Variants in FBN1 observed in about 807,000 individuals in gnomAD.
FBN1 encodes fibrillin-1.
A neutral mutation model predicts 365.1 loss-of-function variants in FBN1; 29 were observed. The observed-to-expected ratio is 0.08, with a 90% CI of 0.06 to 0.11. The LOEUF is 0.11. Ranked by LOEUF, FBN1 falls within the 10% of genes least tolerant of loss-of-function variation. The pLI is 1.00. For synonymous variants in FBN1, 1,210 were observed against 1,270.5 expected, an observed-to-expected ratio of 0.95 and a Z score of 1.01; for missense variants, 2,476 against 3,703.2, an observed-to-expected ratio of 0.67 and a Z score of 8.60.
At position 48,572,133 on chromosome 15, in the gene FBN1, T is replaced by C. The variant is rs565705072; in HGVS notation, c.538+24150A>G. On this transcript the variant is annotated intron_variant, in intron 6 of 65. Coordinates refer to ENST00000316623, the MANE Select transcript of FBN1 (RefSeq NM_000138.5). Reference sequence around the variant, plus strand: ...CTATGAGTATTTTCTCCAATTTCTCTGCACTTTTCTAAATTAAAAAAAATA... The same window carrying C: ...CTATGAGTATTTTCTCCAATTTCTCCGCACTTTTCTAAATTAAAAAAAATA... Among the ~76,000 whole-genome samples, 9 of 152,328 alleles carry C rather than the reference T, an allele frequency of 5.9e-5. No individual in the cohort carries two copies. In the South Asian group the frequency reaches 1.4e-3, roughly 25 times the overall value.
chr15:48,453,417 G>A (rs2043217437), intron 44 of FBN1, among the ~76,000 whole-genome samples: 1 of 152,030 alleles, frequency 6.6e-6, no homozygotes, highest in Non-Finnish European at 1.5e-5. Flanking sequence ...CATAATGTAT[G>A]ATTCCAACCA....
intron 5 of FBN1, among the ~76,000 whole-genome samples, chr15:48,597,044 C>CTAGG (rs2044521642): frequency 6.6e-6 from 1 of 152,206 alleles, no homozygotes; most frequent in South Asian, 2.1e-4. Flanking sequence ...TGGGCTCTTT[C>CTAGG]TAGGCATCTT....
intron 18 of FBN1, 139 bp downstream of exon 18, chr15:48,498,846 T>C: frequency 1.1e-6 from 1 of 873,340 alleles, no homozygotes; most frequent in Non-Finnish European, 2.0e-6. Context: ...CTTCTGAGCA[T>C]CCCAGATACA....
intron 36 of FBN1, 114 bp downstream of exon 36, chr15:48,470,520 C>A (rs2043363171): frequency 7.2e-7 from 1 of 1,384,846 alleles, no homozygotes; most frequent in Non-Finnish European, 1.0e-6. Context: ...CTTAATACTT[C>A]CCCCTTGCTT....
At chr15:48,565,602 T>C (rs1018193521) in intron 6 of FBN1, among the ~76,000 whole-genome samples, 1 of 150,678 alleles carries the variant, frequency 6.6e-6, no homozygotes, top group African/African-American at 2.5e-5. Flanking sequence ...GTAAGTATAT[T>C]ATTTAAATGA....
Position 48,408,946 on chromosome 15 carries a change from G to T in FBN1, c.*2044C>A, listed in dbSNP as rs561911965. The T allele has an allele frequency of 6.6e-6, 1 of 152,226 alleles. No homozygotes were observed. Among genetic ancestry groups the T allele is most frequent in the South Asian group, 2.1e-4 (1 of 4,820 alleles). 9.4% of individuals were successfully genotyped at this position (152,226 alleles called of 1,614,324 possible). On this transcript the variant is annotated 3_prime_UTR_variant, in exon 66 of 66. Transcript: ENST00000316623. ...GTTTACCATATGCTATATATTCTTCGATAACAATTTTAATACACCTCTATC... is the reference window on the plus strand; with the variant it reads ...GTTTACCATATGCTATATATTCTTCTATAACAATTTTAATACACCTCTATC...
intron 6 of FBN1, among the ~76,000 whole-genome samples, chr15:48,594,905 G>A (rs1212265226): frequency 1.3e-5 from 2 of 152,052 alleles, no homozygotes; most frequent in Non-Finnish European, 2.9e-5. Flanking sequence ...AAGTAATAAG[G>A]CCACAGAATG....
At chr15:48,427,887 G>T in intron 57 of FBN1, 114 bp from the exon 58 acceptor site, 1 of 893,276 alleles carries the variant, frequency 1.1e-6, no homozygotes, top group Non-Finnish European at 1.8e-6. Context: ...TTTACCCTGG[G>T]TGAGAAGAAG....
chr15:48,574,552 T>C (rs1411113330), intron 6 of FBN1, among the ~76,000 whole-genome samples: 1 of 151,908 alleles, frequency 6.6e-6, no homozygotes, highest in Admixed American at 6.6e-5. Context: ...AATATAACTC[T>C]TACTTGCCCA....
In FBN1 at chr15:48,495,723, A is replaced by T. The variant is rs111395160; in HGVS notation, c.2420-135T>A. Reference sequence around the variant, plus strand: ...AGCTGGGCTAAATAGTTTTTCCTACACTAGATGGAATGCCAAAATAATAAC... The same window carrying T: ...AGCTGGGCTAAATAGTTTTTCCTACTCTAGATGGAATGCCAAAATAATAAC... On this transcript the variant is annotated intron_variant, in intron 20 of 65. Transcript: ENST00000316623. 60 of 1,098,718 alleles carry T rather than the reference A, an allele frequency of 5.5e-5. 1 individual carries two copies. In the African/African-American group the frequency reaches 6.2e-4, roughly 11 times the overall value. The allele number at this position is 1,098,718 out of a possible 1,614,324, so 68.1% of individuals were successfully genotyped here. A position where few individuals can be genotyped will look rare whatever the true frequency, so the allele number is the denominator to read the frequency against.
At chr15:48,427,498 A>C in intron 58 of FBN1, 69 bp downstream of exon 58, 1 of 1,501,454 alleles carries the variant, frequency 6.7e-7, no homozygotes, top group South Asian at 1.1e-5. Flanking sequence ...CCATATTTTC[A>C]TCTGTGTTTC....
At chr15:48,445,137 C>T (rs545568815) in intron 48 of FBN1, among the ~76,000 whole-genome samples, 2 of 137,088 alleles carry the variant, frequency 1.5e-5, no homozygotes, top group Admixed American at 7.5e-5. Context: ...TATATATATA[C>T]ACACACACAT....
chr15:48,468,544 A>C lies in FBN1; in HGVS notation c.4460-10T>G. 1 of 1,613,954 alleles carries C rather than the reference A, an allele frequency of 6.2e-7. No homozygotes were observed. The highest frequency in any genetic ancestry group is 8.5e-7 in the Non-Finnish European group (1 of 1,179,966). On this transcript the variant is annotated splice_polypyrimidine_tract_variant and intron_variant, in intron 36 of 65. Coordinates refer to ENST00000316623, the MANE Select transcript of FBN1 (RefSeq NM_000138.5). Reference sequence around the variant, plus strand: ...AGGCATTCATTCACATCTAAAACCGAACAGTGAGTAGTGGAGTTATCACCT... The same window carrying C: ...AGGCATTCATTCACATCTAAAACCGCACAGTGAGTAGTGGAGTTATCACCT...
intron 25 of FBN1, among the ~76,000 whole-genome samples, chr15:48,489,413 G>A (rs1469053061): frequency 6.6e-6 from 1 of 151,882 alleles, no homozygotes; most frequent in Non-Finnish European, 1.5e-5. Context: ...CATGTAACAT[G>A]TGACCTGAGT....
chr15:48,587,617 A>C (rs189069557), intron 6 of FBN1, among the ~76,000 whole-genome samples: 1 of 152,290 alleles, frequency 6.6e-6, no homozygotes, highest in East Asian at 1.9e-4. Flanking sequence ...CTTTACCTGT[A>C]GTACTTTCCT....
In FBN1 at chr15:48,427,791, T is replaced by C. The variant is rs1184006406; in HGVS notation, c.6998-18A>G. Reference sequence around the variant, plus strand: ...CCGATTGTCTGGAAGGGACATTATATGGCAAAGGGGATGTCAGGAAATTTT... The same window carrying C: ...CCGATTGTCTGGAAGGGACATTATACGGCAAAGGGGATGTCAGGAAATTTT... On this transcript the variant is annotated intron_variant, in intron 57 of 65. Coordinates refer to ENST00000316623, the MANE Select transcript of FBN1 (RefSeq NM_000138.5). The C allele has an allele frequency of 7.5e-6, 12 of 1,609,664 alleles. No homozygotes were observed. The highest frequency in any genetic ancestry group is 1.7e-4 in the Middle Eastern group (1 of 6,054).
chr15:48,538,269 G>T (rs1165773294), intron 6 of FBN1, among the ~76,000 whole-genome samples: 5 of 152,152 alleles, frequency 3.3e-5, no homozygotes, highest in African/African-American at 4.8e-5. Context: ...AGAAAGCAAA[G>T]AATTTTGAAG....
intron 8 of FBN1, chr15:48,529,410 T>A (rs2043947710): frequency 6.6e-6 from 1 of 152,356 alleles, no homozygotes; most frequent in Non-Finnish European, 1.5e-5. Context: ...CCCAGAGCAT[T>A]CTTCCCATGC....
chr15:48,583,228 C>T (rs557411814), intron 6 of FBN1, among the ~76,000 whole-genome samples: 15 of 152,338 alleles, frequency 9.8e-5, no homozygotes, highest in African/African-American at 2.9e-4. Context: ...CTCCTCTCTT[C>T]GTCTTAGAAC....
Sources: allele counts gnomAD v4.1 joint callset (sites outside exome capture counted in the v4.1 genomes callset), GRCh38; gene constraint gnomAD v4.1.1; transcripts MANE v1.5; gene names NCBI Gene and HGNC (gene_info 2026-07-23, HGNC 2026-07-21).